RGS6: variants seen among roughly 807,000 people sequenced by gnomAD.
RGS6 encodes the protein regulator of G-protein signaling 6.
A neutral mutation model predicts 78.5 loss-of-function variants in RGS6; 30 were observed. The observed-to-expected ratio is 0.38, with a 90% CI of 0.29 to 0.52. The LOEUF is 0.52. Among genes scored for constraint, RGS6 ranks in the 20% least tolerant of loss-of-function variants. The probability of loss-of-function intolerance (pLI) is 0.85; values close to 1 mark genes in which losing one functional copy is unlikely to be tolerated. For synonymous variants in RGS6, 206 were observed against 206.0 expected (o/e 1.00, Z 0.00); for missense variants, 495 against 609.7 (o/e 0.81, Z 1.98).
At chr14:72,366,292 G>A (rs1381316780) in intron 3 of RGS6, among the ~76,000 whole-genome samples, 1 of 152,128 alleles carries the variant, frequency 6.6e-6, no homozygotes. Flanking sequence ...TCACCTGTGG[G>A]TTCGAAATGT....
chr14:72,325,747 A>C lies in RGS6; in HGVS notation c.85-26348A>C, dbSNP rs974558960. ...CAAATAATATAAATAGGTACTTCCC[A>C]AAAAGAAAGAAACATGATGTAAACC... On this transcript the variant is annotated intron_variant, in intron 2 of 17. Coordinates refer to ENST00000553525, the MANE Select transcript of RGS6 (RefSeq NM_001204424.2). Among the ~76,000 whole-genome samples, 4 of 152,196 alleles carry C rather than the reference A, an allele frequency of 2.6e-5. No individual in the cohort carries two copies. The South Asian group carries it at 8.3e-4, about 32-fold the overall frequency.
chr14:72,329,861 G>A (rs529757769), intron 2 of RGS6, among the ~76,000 whole-genome samples: 24 of 152,250 alleles, frequency 1.6e-4, no homozygotes, highest in African/African-American at 5.5e-4. Context: ...GAGAACTGCC[G>A]GGAGACATCA....
At chr14:72,271,647 A>G (rs910398344) in intron 2 of RGS6, among the ~76,000 whole-genome samples, 1 of 152,374 alleles carries the variant, frequency 6.6e-6, no homozygotes. Context: ...CCAACTCTGT[A>G]TTAGTTTTCT....
chr14:72,117,571 G>A (rs777819836), intron 2 of RGS6, among the ~76,000 whole-genome samples: 31 of 152,144 alleles, frequency 2.0e-4, no homozygotes, highest in Non-Finnish European at 3.8e-4. Flanking sequence ...CCGGTCTCAG[G>A]AATTCCTTTA....
In RGS6 at chr14:72,373,577, A is replaced by G. The variant is rs12100897; in HGVS notation, c.184+21383A>G. ...ATATGAGTATCAAGTAAAAAAATTG[A>G]GTAGGGTGGCAGTCAGTTCAGAGAC... On this transcript the variant is annotated intron_variant, in intron 3 of 17. Transcript: ENST00000553525. Among the ~76,000 whole-genome samples the G allele has an allele frequency of 3.6e-3, 555 of 152,320 alleles. 3 individuals carry two copies. Among genetic ancestry groups the G allele is most frequent in the African/African-American group, 0.013 (541 of 41,574 alleles).
chr14:72,219,148 C>G (rs148972473), intron 2 of RGS6, among the ~76,000 whole-genome samples: 1 of 151,966 alleles, frequency 6.6e-6, no homozygotes, highest in Non-Finnish European at 1.5e-5. Context: ...TACTAATTTA[C>G]ATTATGAGGG....
chr14:72,406,545 A>G (rs929420102), intron 3 of RGS6, among the ~76,000 whole-genome samples: 5 of 152,118 alleles, frequency 3.3e-5, no homozygotes, highest in African/African-American at 1.2e-4. Flanking sequence ...AAGCTCGTCA[A>G]TTGTTTATGA....
rs548218536 is a variant in RGS6 at position 72,241,166 on chromosome 14, A to C, written c.85-110929A>C. Among the ~76,000 whole-genome samples, 467 of 151,846 alleles carry C rather than the reference A, an allele frequency of 3.1e-3. 5 individuals carry two copies. Among genetic ancestry groups the C allele is most frequent in the African/African-American group, 0.01 (416 of 41,450 alleles). On this transcript the variant is annotated intron_variant, in intron 2 of 17. Coordinates refer to ENST00000553525, the MANE Select transcript of RGS6 (RefSeq NM_001204424.2). ...GCGAGACTCTGTCTCAAAAAAAAAAAAAAAACAAAACTTATGCCTTTTATG... is the reference window on the plus strand; with the variant it reads ...GCGAGACTCTGTCTCAAAAAAAAAACAAAAACAAAACTTATGCCTTTTATG...
At chr14:71,876,342 A>G in the RGS6 span, among the ~76,000 whole-genome samples, 349 of 152,242 alleles carry the variant, frequency 2.3e-3, 2 homozygotes, top group African/African-American at 8.2e-3. Context: ...TATTGGGTGC[A>G]TATATATTTA....
intron 3 of RGS6, among the ~76,000 whole-genome samples, chr14:72,407,124 G>A (rs986662734): frequency 6.6e-6 from 1 of 152,154 alleles, no homozygotes; most frequent in African/African-American, 2.4e-5. Flanking sequence ...TTGTATTGTA[G>A]GTTCTAATAC....
chr14:72,394,106 C>G (rs1280359284), intron 3 of RGS6, among the ~76,000 whole-genome samples: 1 of 152,096 alleles, frequency 6.6e-6, no homozygotes, highest in African/African-American at 2.4e-5. Context: ...GGAACCCACC[C>G]CTGATAATTC....
chr14:72,471,783 G>A (rs1415914924), intron 8 of RGS6, among the ~76,000 whole-genome samples: 2 of 152,228 alleles, frequency 1.3e-5, no homozygotes, highest in African/African-American at 4.8e-5. Flanking sequence ...GGTGCAGGTG[G>A]GAGAGTAGGT....
intron 2 of RGS6, among the ~76,000 whole-genome samples, chr14:71,965,948 T>G (rs908866898): frequency 1.3e-5 from 2 of 152,186 alleles, no homozygotes; most frequent in Non-Finnish European, 2.9e-5. Flanking sequence ...TTTTTGACGT[T>G]GGGTAAATGA....
intron 2 of RGS6, among the ~76,000 whole-genome samples, chr14:72,068,640 G>A (rs1420729893): frequency 6.6e-6 from 1 of 151,610 alleles, no homozygotes; most frequent in Non-Finnish European, 1.5e-5. Flanking sequence ...GGGATTACAG[G>A]CGCCTGCCAC....
chr14:71,946,689 AG>A (rs1414872484), intron 1 of RGS6, among the ~76,000 whole-genome samples: 2 of 152,286 alleles, frequency 1.3e-5, no homozygotes, highest in African/African-American at 4.8e-5. Context: ...TGGGGCCTGC[AG>A]AAATGGGGCC....
chr14:72,394,150 G>A (rs897635523), intron 3 of RGS6, among the ~76,000 whole-genome samples: 4 of 151,942 alleles, frequency 2.6e-5, no homozygotes, highest in East Asian at 1.9e-4. Flanking sequence ...CGTAAGCGTC[G>A]GCCGGTCTGA....
intron 2 of RGS6, among the ~76,000 whole-genome samples, chr14:72,314,222 G>A (rs1470090401): frequency 1.3e-5 from 2 of 152,084 alleles, no homozygotes; most frequent in African/African-American, 2.4e-5. Context: ...CTAATGAGAT[G>A]CTTGGAGGCA....
chr14:72,015,986 T>C (rs1355138669), intron 2 of RGS6, among the ~76,000 whole-genome samples: 1 of 152,200 alleles, frequency 6.6e-6, no homozygotes, highest in Non-Finnish European at 1.5e-5. Context: ...CCCAAATATC[T>C]TTACTACTCT....
intron 2 of RGS6, among the ~76,000 whole-genome samples, chr14:72,297,432 T>TTA (rs1567692494): frequency 1.3e-4 from 18 of 142,658 alleles, no homozygotes; most frequent in South Asian, 4.3e-4. Context: ...TATTATTATT[T>TTA]TTTTTTTATA....
Sources: allele counts gnomAD v4.1 joint callset (sites outside exome capture counted in the v4.1 genomes callset), GRCh38; gene constraint gnomAD v4.1.1; transcripts MANE v1.5; gene names NCBI Gene and HGNC (gene_info 2026-07-23, HGNC 2026-07-21).